The following NKAIN2 variants were observed in gnomAD, a reference collection of about 807,000 sequenced individuals.
NKAIN2 encodes the protein sodium/potassium transporting ATPase interacting 2.
In NKAIN2, 14 loss-of-function variants were observed where a neutral mutation model predicts 32.6. That is an observed-to-expected ratio of 0.43 (90% CI 0.28 to 0.67). NKAIN2 has a LOEUF of 0.67. NKAIN2 is among the 30% of genes least tolerant of loss of function. The probability of loss-of-function intolerance (pLI) is 0.17; values close to 1 mark genes in which losing one functional copy is unlikely to be tolerated. For synonymous variants in NKAIN2, 80 were observed against 87.2 expected (o/e 0.92, Z 0.46); for missense variants, 198 against 258.3 (o/e 0.77, Z 1.60).
intron 1 of NKAIN2, among the ~76,000 whole-genome samples, chr6:124,271,098 T>G (rs1356398458): frequency 6.6e-6 from 1 of 152,208 alleles, no homozygotes; most frequent in Non-Finnish European, 1.5e-5. Flanking sequence ...GCAGTTTTTT[T>G]CTTTCTCTCT....
At chr6:124,504,760 ACT>A (rs1312247785) in intron 3 of NKAIN2, among the ~76,000 whole-genome samples, 4 of 152,214 alleles carry the variant, frequency 2.6e-5, no homozygotes, top group African/African-American at 9.6e-5. Flanking sequence ...CTGGGTTTAC[ACT>A]CAGAAAAGTT....
chr6:124,461,504 T>A (rs554540300), intron 3 of NKAIN2, among the ~76,000 whole-genome samples: 48 of 151,890 alleles, frequency 3.2e-4, no homozygotes, highest in African/African-American at 1.1e-3. Context: ...TTTTAGAAAA[T>A]TTCTCTTTTT....
intron 3 of NKAIN2, among the ~76,000 whole-genome samples, chr6:124,383,450 G>A (rs185726473): frequency 6.6e-6 from 1 of 152,056 alleles, no homozygotes; most frequent in Non-Finnish European, 1.5e-5. Context: ...GGTATATAAG[G>A]CCTGGCACAA....
At chr6:123,880,001 TA>T (rs1306290080) in intron 1 of NKAIN2, among the ~76,000 whole-genome samples, 3 of 152,184 alleles carry the variant, frequency 2.0e-5, no homozygotes, top group Non-Finnish European at 4.4e-5. Context: ...TTCAGATGGA[TA>T]GAGCAAATTC....
rs375328183 is a variant in NKAIN2 at position 124,645,678 on chromosome 6, G to C, written c.274-12508G>C. Among the ~76,000 whole-genome samples the C allele has an allele frequency of 6.6e-5, 10 of 152,230 alleles. No homozygotes were observed. The East Asian group carries it at 1.5e-3, about 24-fold the overall frequency. ...ATAACAAAGCACCAATCAAGTTTTA[G>C]CTCCTCCTATTTAATATGAAAAGAC... On this transcript the variant is annotated intron_variant, in intron 3 of 6. Transcript: ENST00000368417.
intron 1 of NKAIN2, among the ~76,000 whole-genome samples, chr6:123,983,390 G>A (rs1016550191): frequency 2.6e-5 from 4 of 152,250 alleles, no homozygotes; most frequent in Admixed American, 6.5e-5. Context: ...GGGATTATTA[G>A]CACTCTTGAA....
At chr6:123,842,439 A>G (rs184138385) in intron 1 of NKAIN2, among the ~76,000 whole-genome samples, 1 of 152,124 alleles carries the variant, frequency 6.6e-6, no homozygotes, top group Non-Finnish European at 1.5e-5. Flanking sequence ...TTAGAGCCCT[A>G]TCCTTATGAC....
intron 3 of NKAIN2, among the ~76,000 whole-genome samples, chr6:124,651,734 C>G (rs925602811): frequency 6.6e-6 from 1 of 152,122 alleles, no homozygotes; most frequent in Non-Finnish European, 1.5e-5. Context: ...GCATCCTAGA[C>G]CTGTCTCCCA....
At position 123,967,731 on chromosome 6, in the gene NKAIN2, A is replaced by G. The variant is rs930516156; in HGVS notation, c.54+163477A>G. Reference sequence around the variant, plus strand: ...TATACACATACTCACAACTACATAGATATAGTATACATTTGAAGAAAGTAT... The same window carrying G: ...TATACACATACTCACAACTACATAGGTATAGTATACATTTGAAGAAAGTAT... On this transcript the variant is annotated intron_variant, in intron 1 of 6. Coordinates refer to ENST00000368417, the MANE Select transcript of NKAIN2 (RefSeq NM_001040214.3). Among the ~76,000 whole-genome samples, 6 of 152,104 alleles carry G rather than the reference A, an allele frequency of 3.9e-5. No individual in the cohort carries two copies. In the South Asian group the frequency reaches 1.2e-3, roughly 32 times the overall value.
chr6:123,952,572 C>T (rs1777377776), intron 1 of NKAIN2, among the ~76,000 whole-genome samples: 1 of 152,032 alleles, frequency 6.6e-6, no homozygotes, highest in South Asian at 2.1e-4. Context: ...TTTGTTCATT[C>T]TTTTTAAAAC....
intron 1 of NKAIN2, among the ~76,000 whole-genome samples, chr6:123,961,970 AG>A (rs1777870749): frequency 6.6e-6 from 1 of 152,178 alleles, no homozygotes; most frequent in Admixed American, 6.5e-5. Context: ...GTAATTAAAA[AG>A]AGAAAGCTAT....
intron 1 of NKAIN2, among the ~76,000 whole-genome samples, chr6:123,905,607 G>A (rs1170682928): frequency 2.6e-5 from 4 of 152,102 alleles, no homozygotes; most frequent in African/African-American, 4.8e-5. Context: ...TAGTTCTAAT[G>A]TACCTAATGT....
chr6:124,402,067 G>C (rs1046663115), intron 3 of NKAIN2, among the ~76,000 whole-genome samples: 3 of 152,048 alleles, frequency 2.0e-5, no homozygotes, highest in Non-Finnish European at 4.4e-5. Context: ...CTGTGGACAT[G>C]TTTGGTTGCC....
chr6:124,688,448 T>G (rs1380339548), intron 4 of NKAIN2, among the ~76,000 whole-genome samples: 1 of 152,100 alleles, frequency 6.6e-6, no homozygotes, highest in African/African-American at 2.4e-5. Context: ...GAGTGATACA[T>G]TTGTTACAAT....
intron 3 of NKAIN2, among the ~76,000 whole-genome samples, chr6:124,408,689 TG>T (rs1447712951): frequency 4.0e-5 from 6 of 151,350 alleles, no homozygotes; most frequent in African/African-American, 1.4e-4. Flanking sequence ...GGCTCTTTTT[TG>T]GTTCCATATG....
chr6:124,271,509 C>T (rs1263814341), intron 1 of NKAIN2, among the ~76,000 whole-genome samples: 28 of 152,194 alleles, frequency 1.8e-4, no homozygotes, highest in Admixed American at 1.8e-3. Context: ...AGCCACCATA[C>T]CCGGCCTAAA....
At chr6:124,039,788 C>A (rs1057102447) in intron 1 of NKAIN2, among the ~76,000 whole-genome samples, 1 of 151,836 alleles carries the variant, frequency 6.6e-6, no homozygotes, top group African/African-American at 2.4e-5. Context: ...AAGATAATTT[C>A]ATCTTTTTCT....
At chr6:123,839,227 C>CAAA (rs1200980541) in intron 1 of NKAIN2, among the ~76,000 whole-genome samples, 1 of 95,744 alleles carries the variant, frequency 1.0e-5, no homozygotes, top group Non-Finnish European at 2.3e-5. Context: ...CTAAACACTC[C>CAAA]AAAAAAAAAA....
chr6:123,996,385 T>C (rs1779621680), intron 1 of NKAIN2, among the ~76,000 whole-genome samples: 1 of 51,656 alleles, frequency 1.9e-5, no homozygotes, highest in African/African-American at 1.3e-4. Flanking sequence ...AATATGTGAT[T>C]GTACTCCCAA....
Sources: gnomAD v4.1 joint callset for allele counts (sites outside exome capture counted in the v4.1 genomes callset) on GRCh38, gnomAD v4.1.1 for gene constraint, MANE v1.5 for transcripts, NCBI Gene and HGNC (gene_info 2026-07-23, HGNC 2026-07-21) for gene names.